The following TBL1X variants were observed in gnomAD, a reference collection of about 807,000 sequenced individuals.
TBL1X encodes the protein F-box-like/WD repeat-containing protein TBL1X.
TBL1X carries 10 observed loss-of-function variants against 50.7 expected under a neutral mutation model. The observed-to-expected ratio is 0.20, with a 90% CI of 0.12 to 0.33. The LOEUF is 0.33. Among genes scored for constraint, TBL1X ranks in the 10% least tolerant of loss-of-function variants. The pLI is 1.00. For missense variants in TBL1X, 340 were observed against 504.4 expected (o/e 0.67, Z 3.12); for synonymous variants, 190 against 214.7 (o/e 0.88, Z 1.01).
In TBL1X at chrX:9,608,931, A is replaced by G. The variant is rs1376946040; in HGVS notation, c.-130-31342A>G. On this transcript the variant is annotated intron_variant, in intron 2 of 17. Transcript: ENST00000645353. Reference sequence around the variant, plus strand: ...GGGAAGAGAGTTTCTCCTCTTGAGTATTTTTAGAAGCAGCAGATATCAGCC... The same window carrying G: ...GGGAAGAGAGTTTCTCCTCTTGAGTGTTTTTAGAAGCAGCAGATATCAGCC... Among the ~76,000 whole-genome samples the G allele has an allele frequency of 1.5e-4, 17 of 111,491 alleles. No individual in the cohort carries two copies. In the Admixed American group the frequency reaches 1.6e-3, roughly 11 times the overall value.
At chrX:9,564,543 G>A (rs766443169) in intron 2 of TBL1X, among the ~76,000 whole-genome samples, 1 of 110,690 alleles carries the variant, frequency 9.0e-6, no homozygotes, top group South Asian at 3.9e-4. Context: ...GACCATCCTG[G>A]CCAACATGGT....
chrX:9,702,217 C>G (rs1030974571), intron 12 of TBL1X, among the ~76,000 whole-genome samples: 1 of 110,630 alleles, frequency 9.0e-6, no homozygotes, highest in Non-Finnish European at 1.9e-5. Context: ...GGGAGAATCA[C>G]TTGAGCCCAG....
chrX:9,550,522 A>T (rs189127855), intron 2 of TBL1X, among the ~76,000 whole-genome samples: 11 of 110,901 alleles, frequency 9.9e-5, no homozygotes, highest in African/African-American at 2.9e-4. Flanking sequence ...TTTTTATTAG[A>T]CTCTTCAAAA....
chrX:9,531,625 C>T (rs1433771089), intron 2 of TBL1X, among the ~76,000 whole-genome samples: 1 of 110,220 alleles, frequency 9.1e-6, no homozygotes, highest in Non-Finnish European at 1.9e-5. Context: ...TAGATCTGTG[C>T]GGGGCGCTGT....
intron 2 of TBL1X, among the ~76,000 whole-genome samples, chrX:9,579,624 G>A (rs979116110): frequency 8.9e-6 from 1 of 111,754 alleles, no homozygotes; most frequent in South Asian, 3.8e-4. Context: ...GGGAACTGCA[G>A]GTTCATCCGA....
intron 2 of TBL1X, among the ~76,000 whole-genome samples, chrX:9,505,258 G>A (rs763749123): frequency 1.5e-3 from 163 of 111,896 alleles, no homozygotes; most frequent in African/African-American, 5.1e-3. Flanking sequence ...GAGGGATTTT[G>A]TTACCACTAG....
At chrX:9,529,537 C>T (rs766014133) in intron 2 of TBL1X, among the ~76,000 whole-genome samples, 1 of 111,673 alleles carries the variant, frequency 9.0e-6, no homozygotes, top group Non-Finnish European at 1.9e-5. Flanking sequence ...AGACTGGTTT[C>T]CAGGCCCAAG....
intron 1 of TBL1X, among the ~76,000 whole-genome samples, chrX:9,479,937 A>AGTGTGT (rs1353868118): frequency 5.3e-5 from 2 of 37,894 alleles, no homozygotes; most frequent in African/African-American, 1.5e-4. Flanking sequence ...AGGAAAGTAG[A>AGTGTGT]ATGTGTGTGT....
At chrX:9,692,029 C>T in intron 8 of TBL1X, 84 bp from the exon 9 acceptor site, 1 of 1,180,382 alleles carries the variant, frequency 8.5e-7, no homozygotes, top group Non-Finnish European at 1.1e-6. Context: ...GCTGAAGATG[C>T]CCTCTGGCCA....
chrX:9,538,120 T>C (rs984164059), intron 2 of TBL1X, among the ~76,000 whole-genome samples: 1 of 112,209 alleles, frequency 8.9e-6, no homozygotes, highest in African/African-American at 3.2e-5. Context: ...CGTGAAATGC[T>C]CACTGCTTGG....
intron 1 of TBL1X, among the ~76,000 whole-genome samples, chrX:9,488,845 A>G (rs965993487): frequency 1.8e-5 from 2 of 110,699 alleles, no homozygotes; most frequent in East Asian, 2.9e-4. Context: ...GAGTCGATTG[A>G]TTGGTTGGTT....
chrX:9,714,073 C>T (rs1427562378), intron 16 of TBL1X, among the ~76,000 whole-genome samples: 1 of 111,643 alleles, frequency 9.0e-6, no homozygotes, highest in Non-Finnish European at 1.9e-5. Flanking sequence ...CCTCGGCCTC[C>T]CAAAGTGCTG....
intron 1 of TBL1X, among the ~76,000 whole-genome samples, chrX:9,490,379 A>G (rs1378571883): frequency 9.0e-6 from 1 of 111,678 alleles, no homozygotes; most frequent in African/African-American, 3.3e-5. Context: ...GTCGGGAAAC[A>G]CTTTTGCGTT....
chrX:9,530,793 G>A (rs1344270277), intron 2 of TBL1X, among the ~76,000 whole-genome samples: 2 of 111,525 alleles, frequency 1.8e-5, no homozygotes, highest in Non-Finnish European at 3.8e-5. Flanking sequence ...ATTTTTTCCC[G>A]AGAATACATA....
intron 3 of TBL1X, among the ~76,000 whole-genome samples, chrX:9,642,271 C>T (rs1034584164): frequency 4.5e-5 from 5 of 111,328 alleles, no homozygotes; most frequent in Non-Finnish European, 7.5e-5. Flanking sequence ...TTTTTGTAGC[C>T]TTTGATAACT....
chrX:9,592,582 A>G (rs753534177), intron 2 of TBL1X, among the ~76,000 whole-genome samples: 1 of 111,101 alleles, frequency 9.0e-6, no homozygotes, highest in South Asian at 3.8e-4. Flanking sequence ...TTTTTCCATT[A>G]TCCTTCTCCA....
chrX:9,545,941 G>A (rs1232594420), intron 2 of TBL1X, among the ~76,000 whole-genome samples: 3 of 111,613 alleles, frequency 2.7e-5, no homozygotes, highest in South Asian at 3.8e-4. Context: ...TCTGTTTCCC[G>A]ATGTGATTAG....
intron 6 of TBL1X, among the ~76,000 whole-genome samples, chrX:9,684,599 A>T (rs112225469): frequency 9.2e-5 from 1 of 10,897 alleles, no homozygotes; most frequent in African/African-American, 5.5e-4. Context: ...CTCTAAAATT[A>T]AAAAAAAAAA....
intron 2 of TBL1X, among the ~76,000 whole-genome samples, chrX:9,598,991 T>G (rs1226919256): frequency 9.2e-6 from 1 of 108,974 alleles, no homozygotes; most frequent in Non-Finnish European, 1.9e-5. Context: ...TCGCCCAGGC[T>G]GGAGTGCAGT....
Sources: allele counts gnomAD v4.1 joint callset (sites outside exome capture counted in the v4.1 genomes callset), GRCh38; gene constraint gnomAD v4.1.1; transcripts MANE v1.5; gene names NCBI Gene and HGNC (gene_info 2026-07-23, HGNC 2026-07-21).